The following CDYL2 variants were observed in gnomAD, a reference collection of about 807,000 sequenced individuals.
CDYL2 encodes chromodomain Y-like protein 2.
A neutral mutation model predicts 49.4 loss-of-function variants in CDYL2; 23 were observed. The ratio of observed to expected loss-of-function variants is 0.47; its 90% confidence interval spans 0.34 to 0.66. CDYL2 has a LOEUF of 0.66. Ranked by LOEUF, CDYL2 falls within the 30% of genes least tolerant of loss-of-function variation. CDYL2 has a pLI of 0.01. For synonymous variants in CDYL2, 360 were observed against 268.8 expected, an observed-to-expected ratio of 1.34 and a Z score of -3.32; for missense variants, 678 against 656.4, an observed-to-expected ratio of 1.03 and a Z score of -0.36.
rs990171887 is a variant in CDYL2, at chr16:80,620,879, C to G, written c.891G>C (p.Leu297=). The change falls in exon 4 of 7, where the codon CTG becomes CTC. Residue 297 remains leucine, a synonymous_variant. Coordinates refer to ENST00000570137, the MANE Select transcript of CDYL2 (RefSeq NM_152342.4). ...LCNAATDDSK[L]LLLSAVGSVF... is the part of the protein sequence containing the mutation. ...CGCTCCCCACTGCGCTGAGGAGCAG[C>G]AGTTTGCTGTCGTCTGTGGCTGCGT... 6.2e-7 allele frequency: 1 copy of G among 1,611,834 alleles called. No individual in the cohort carries two copies. Among genetic ancestry groups the G allele is most frequent in the African/African-American group, 1.3e-5 (1 of 74,888 alleles).
At chr16:80,802,897 T>C (rs1005434274) in intron 1 of CDYL2, among the ~76,000 whole-genome samples, 2 of 152,226 alleles carry the variant, frequency 1.3e-5, no homozygotes, top group African/African-American at 4.8e-5. Context: ...TGCAAAAGGC[T>C]AATTCTACCC....
chr16:80,614,310 T>A (rs546111131), intron 4 of CDYL2, among the ~76,000 whole-genome samples: 1 of 152,332 alleles, frequency 6.6e-6, no homozygotes, highest in Admixed American at 6.5e-5. Flanking sequence ...CCAAACAGGA[T>A]GTGAGCAAAA....
intron 1 of CDYL2, among the ~76,000 whole-genome samples, chr16:80,712,112 T>TATATATGTGTATATATATGTGTGTAC (rs1567581011): frequency 6.2e-5 from 9 of 145,998 alleles, no homozygotes; most frequent in Non-Finnish European, 1.3e-4. Flanking sequence ...TATATATGTG[T>TATATATGTGTATATATATGTGTGTAC]ATATATGTGT....
intron 1 of CDYL2, among the ~76,000 whole-genome samples, chr16:80,716,552 A>C (rs1904806581): frequency 6.6e-6 from 1 of 152,022 alleles, no homozygotes; most frequent in South Asian, 2.1e-4. Context: ...GACTAAATGG[A>C]TGATAATGGA....
chr16:80,778,005 T>C (rs1203945968), intron 1 of CDYL2, among the ~76,000 whole-genome samples: 6 of 151,962 alleles, frequency 3.9e-5, no homozygotes, highest in South Asian at 2.1e-4. Flanking sequence ...CTATTAAATA[T>C]GGAAATTTTT....
At chr16:80,779,302 A>C (rs1185250588) in intron 1 of CDYL2, among the ~76,000 whole-genome samples, 1 of 152,104 alleles carries the variant, frequency 6.6e-6, no homozygotes, top group Non-Finnish European at 1.5e-5. Flanking sequence ...TGGTTTTAAA[A>C]ATCTTTCTAT....
chr16:80,667,133 AG>A (rs1328911394), intron 2 of CDYL2, among the ~76,000 whole-genome samples: 2 of 152,226 alleles, frequency 1.3e-5, no homozygotes, highest in African/African-American at 2.4e-5. Flanking sequence ...CCAGACCTGC[AG>A]GATGAGCAGA....
chr16:80,719,745 C>T (rs534323096), intron 1 of CDYL2, among the ~76,000 whole-genome samples: 4 of 152,194 alleles, frequency 2.6e-5, no homozygotes, highest in Admixed American at 6.5e-5. Context: ...GAGGCTGTCG[C>T]CACCAAGCTT....
intron 1 of CDYL2, among the ~76,000 whole-genome samples, chr16:80,720,337 G>A (rs1904956324): frequency 6.6e-6 from 1 of 152,150 alleles, no homozygotes; most frequent in South Asian, 2.1e-4. Flanking sequence ...ACTAGGCACT[G>A]GGTTTTGCCC....
chr16:80,696,092 A>G (rs1333852987), intron 1 of CDYL2, among the ~76,000 whole-genome samples: 1 of 152,232 alleles, frequency 6.6e-6, no homozygotes, highest in Non-Finnish European at 1.5e-5. Context: ...CAATAACAAG[A>G]AAAACCTTGA....
At chr16:80,698,592 T>C (rs1329327919) in intron 1 of CDYL2, among the ~76,000 whole-genome samples, 2 of 152,282 alleles carry the variant, frequency 1.3e-5, no homozygotes, top group South Asian at 2.1e-4. Flanking sequence ...GATTGGATTA[T>C]GGGGGCACAG....
At chr16:80,800,532 T>C (rs1261928901) in intron 1 of CDYL2, among the ~76,000 whole-genome samples, 3 of 152,048 alleles carry the variant, frequency 2.0e-5, no homozygotes, top group Non-Finnish European at 2.9e-5. Flanking sequence ...TATCCATGGG[T>C]TCCACATCTG....
At chr16:80,748,817 A>G (rs1293882883) in intron 1 of CDYL2, among the ~76,000 whole-genome samples, 1 of 152,072 alleles carries the variant, frequency 6.6e-6, no homozygotes, top group Non-Finnish European at 1.5e-5. Context: ...CATTCTTCTT[A>G]TTCCCAGTTC....
chr16:80,726,902 A>T (rs1315864867), intron 1 of CDYL2, among the ~76,000 whole-genome samples: 1 of 152,154 alleles, frequency 6.6e-6, no homozygotes, highest in East Asian at 1.9e-4. Context: ...GCCTGGGCAC[A>T]TAATGAGATG....
At chr16:80,662,691 T>C in intron 2 of CDYL2, 3 of 454,694 alleles carry the variant, frequency 6.6e-6, no homozygotes, top group Non-Finnish European at 8.8e-6. Flanking sequence ...AATCCACATA[T>C]GGCTATTGAA....
chr16:80,674,349 G>A (rs972048151), intron 2 of CDYL2, among the ~76,000 whole-genome samples: 1 of 152,116 alleles, frequency 6.6e-6, no homozygotes, highest in African/African-American at 2.4e-5. Flanking sequence ...CATTTAGAAG[G>A]CTCCCTTGCA....
chr16:80,722,305 C>T (rs1391816378), intron 1 of CDYL2, among the ~76,000 whole-genome samples: 2 of 152,182 alleles, frequency 1.3e-5, no homozygotes, highest in African/African-American at 2.4e-5. Flanking sequence ...GGCACCAAGA[C>T]ATGTGAAAGC....
At chr16:80,762,192 T>C (rs1906554996) in intron 1 of CDYL2, among the ~76,000 whole-genome samples, 2 of 151,326 alleles carry the variant, frequency 1.3e-5, no homozygotes, top group African/African-American at 4.9e-5. Flanking sequence ...CAAAAATAAA[T>C]AAATAAAAAA....
At chr16:80,657,717 A>G (rs1476415185) in intron 2 of CDYL2, among the ~76,000 whole-genome samples, 1 of 152,122 alleles carries the variant, frequency 6.6e-6, no homozygotes, top group Non-Finnish European at 1.5e-5. Context: ...GAAAGGTACA[A>G]GTGTGATGGG....
Sources: gnomAD v4.1 joint callset for allele counts (sites outside exome capture counted in the v4.1 genomes callset) on GRCh38, gnomAD v4.1.1 for gene constraint, MANE v1.5 for transcripts, NCBI Gene and HGNC (gene_info 2026-07-23, HGNC 2026-07-21) for gene names.